The following UBE2E2 variants were observed in gnomAD, a reference collection of about 807,000 sequenced individuals.
UBE2E2 encodes ubiquitin-conjugating enzyme E2 E2.
Under a neutral mutation model 24.7 loss-of-function variants are expected in UBE2E2, and 6 were observed. The observed-to-expected ratio is 0.24, with a 90% CI of 0.13 to 0.48. UBE2E2 has a LOEUF of 0.48. Ranked by LOEUF, UBE2E2 falls within the 20% of genes least tolerant of loss-of-function variation. The probability of loss-of-function intolerance (pLI) is 0.99; values close to 1 mark genes in which losing one functional copy is unlikely to be tolerated. For synonymous variants in UBE2E2, 104 were observed against 83.6 expected, an observed-to-expected ratio of 1.24 and a Z score of -1.33; for missense variants, 169 against 245.0, an observed-to-expected ratio of 0.69 and a Z score of 2.07.
At chr3:23,225,789 G>A (rs1696802842) in intron 3 of UBE2E2, among the ~76,000 whole-genome samples, 2 of 152,108 alleles carry the variant, frequency 1.3e-5, no homozygotes, top group South Asian at 4.1e-4. Context: ...ATTCCCAGTG[G>A]AAATGGGAAG....
intron 3 of UBE2E2, among the ~76,000 whole-genome samples, chr3:23,378,453 A>G (rs1696579865): frequency 6.6e-6 from 1 of 152,104 alleles, no homozygotes; most frequent in Non-Finnish European, 1.5e-5. Flanking sequence ...GTTCTTCCAG[A>G]CTGTAATAGC....
intron 2 of UBE2E2, among the ~76,000 whole-genome samples, chr3:23,213,091 G>A (rs1310391389): frequency 6.6e-6 from 1 of 152,038 alleles, no homozygotes; most frequent in East Asian, 1.9e-4. Context: ...GTCTGTAAGG[G>A]AATATAGAAA....
At chr3:23,530,765 G>C (rs1388227702) in intron 4 of UBE2E2, among the ~76,000 whole-genome samples, 1 of 152,068 alleles carries the variant, frequency 6.6e-6, no homozygotes, top group Non-Finnish European at 1.5e-5. Context: ...CTAAATTCTT[G>C]CAACATACAG....
intron 3 of UBE2E2, among the ~76,000 whole-genome samples, chr3:23,301,135 C>G (rs991546654): frequency 6.6e-6 from 1 of 152,226 alleles, no homozygotes; most frequent in Non-Finnish European, 1.5e-5. Context: ...TCAGCTCCAT[C>G]AGGTCCTTTA....
chr3:23,519,042 G>A (rs1267824606), intron 4 of UBE2E2, among the ~76,000 whole-genome samples: 3 of 152,250 alleles, frequency 2.0e-5, no homozygotes, highest in Admixed American at 2.0e-4. Flanking sequence ...ACTGCAGGAT[G>A]AAAGACCAGC....
At chr3:23,263,396 A>G (rs1024317900) in intron 3 of UBE2E2, among the ~76,000 whole-genome samples, 1 of 152,240 alleles carries the variant, frequency 6.6e-6, no homozygotes, top group Non-Finnish European at 1.5e-5. Flanking sequence ...GTTAACTTGA[A>G]TAGAATTTCT....
chr3:23,214,424 C>T (rs1268771517), intron 2 of UBE2E2, among the ~76,000 whole-genome samples: 1 of 151,814 alleles, frequency 6.6e-6, no homozygotes, highest in Non-Finnish European at 1.5e-5. Flanking sequence ...CAACAGTTTC[C>T]TGAATTTTTT....
intron 3 of UBE2E2, among the ~76,000 whole-genome samples, chr3:23,335,955 T>TCC (rs1170165637): frequency 6.6e-6 from 1 of 152,128 alleles, no homozygotes; most frequent in Non-Finnish European, 1.5e-5. Flanking sequence ...AGGGTAAGCC[T>TCC]CCCCAGTGCC....
intron 3 of UBE2E2, among the ~76,000 whole-genome samples, chr3:23,499,074 T>A (rs1378299061): frequency 6.6e-6 from 1 of 152,206 alleles, no homozygotes; most frequent in Non-Finnish European, 1.5e-5. Context: ...TAAAACAAAA[T>A]GATACATCTT....
intron 1 of UBE2E2, chr3:23,204,866 C>T (rs1462893436): frequency 1.5e-6 from 1 of 670,090 alleles, no homozygotes; most frequent in East Asian, 1.4e-4. Context: ...AAACGCTTTC[C>T]TGTTATAAAA....
chr3:23,300,033 A>G (rs1352934174), intron 3 of UBE2E2, among the ~76,000 whole-genome samples: 1 of 151,270 alleles, frequency 6.6e-6, no homozygotes, highest in South Asian at 2.1e-4. Flanking sequence ...CTTTACCATT[A>G]TGTAATGGCC....
At chr3:23,311,462 G>A (rs1359660578) in intron 3 of UBE2E2, among the ~76,000 whole-genome samples, 2 of 152,160 alleles carry the variant, frequency 1.3e-5, no homozygotes, top group Non-Finnish European at 2.9e-5. Context: ...CTTCCACAAT[G>A]GTTGAATTAG....
intron 3 of UBE2E2, among the ~76,000 whole-genome samples, chr3:23,317,756 C>G (rs545251004): frequency 6.6e-6 from 1 of 151,952 alleles, no homozygotes; most frequent in African/African-American, 2.4e-5. Context: ...TACCTCCTAC[C>G]GGGTCTCTCC....
intron 5 of UBE2E2, among the ~76,000 whole-genome samples, chr3:23,535,842 C>T (rs1050417299): frequency 6.6e-6 from 1 of 152,016 alleles, no homozygotes; most frequent in African/African-American, 2.4e-5. Flanking sequence ...AGGATGGTCT[C>T]AATCTCCTGA....
chr3:23,479,366 A>G (rs1274752168), intron 3 of UBE2E2, among the ~76,000 whole-genome samples: 2 of 152,220 alleles, frequency 1.3e-5, no homozygotes, highest in Non-Finnish European at 2.9e-5. Context: ...AGGCACCTGC[A>G]TCTGAACAAT....
chr3:23,563,079 C>T (rs1184590900), intron 5 of UBE2E2, among the ~76,000 whole-genome samples: 4 of 152,068 alleles, frequency 2.6e-5, no homozygotes, highest in Non-Finnish European at 5.9e-5. Context: ...TTCAGTTCTT[C>T]TCTGATCTTA....
intron 3 of UBE2E2, among the ~76,000 whole-genome samples, chr3:23,286,391 A>G (rs781273965): frequency 4.6e-5 from 7 of 152,170 alleles, no homozygotes; most frequent in Non-Finnish European, 1.0e-4. Context: ...TCCTAGAACC[A>G]TTTATTGAAG....
chr3:23,560,333 T>TG (rs993367629), intron 5 of UBE2E2, among the ~76,000 whole-genome samples: 4 of 151,856 alleles, frequency 2.6e-5, no homozygotes, highest in Non-Finnish European at 5.9e-5. Context: ...TTTCTGTCCT[T>TG]GCAATAGTTT....
chr3:23,588,941 T>C (rs867532959), intron 5 of UBE2E2, among the ~76,000 whole-genome samples: 7 of 152,154 alleles, frequency 4.6e-5, no homozygotes, highest in Non-Finnish European at 1.5e-5. Context: ...ATCTCTCCCC[T>C]CTTTTGACTG....
Sources: gnomAD v4.1 joint callset for allele counts (sites outside exome capture counted in the v4.1 genomes callset) on GRCh38, gnomAD v4.1.1 for gene constraint, MANE v1.5 for transcripts, NCBI Gene and HGNC (gene_info 2026-07-23, HGNC 2026-07-21) for gene names.